TBC1D31: variants seen among roughly 807,000 people sequenced by gnomAD.
TBC1D31 encodes the protein TBC1 domain family member 31, also known as WD repeat domain 67.
A neutral mutation model predicts 132.9 loss-of-function variants in TBC1D31; 99 were observed. That is an observed-to-expected ratio of 0.74 (90% CI 0.63 to 0.88). The LOEUF (loss-of-function observed/expected upper bound fraction) is 0.88, where lower values mean the gene tolerates loss of function less well. Ranked by LOEUF, TBC1D31 falls within the 40% of genes least tolerant of loss-of-function variation. TBC1D31 has a pLI of 0.00. For missense variants in TBC1D31, 1,134 were observed against 1,256.6 expected, an observed-to-expected ratio of 0.90 and a Z score of 1.48; for synonymous variants, 385 against 419.4, an observed-to-expected ratio of 0.92 and a Z score of 1.00.
intron 7 of TBC1D31, among the ~76,000 whole-genome samples, chr8:123,104,956 G>T (rs568057964): frequency 6.6e-6 from 1 of 152,200 alleles, no homozygotes; most frequent in South Asian, 2.1e-4. Context: ...CTTTTTTGCT[G>T]TAGATAATAA....
chr8:123,099,416 A>G (rs1483124832), intron 6 of TBC1D31, among the ~76,000 whole-genome samples: 1 of 152,128 alleles, frequency 6.6e-6, no homozygotes, highest in African/African-American at 2.4e-5. Context: ...CACCATGCCC[A>G]GCCTTTATTA....
chr8:123,093,951 C>A (rs1020553179), intron 5 of TBC1D31, among the ~76,000 whole-genome samples: 1 of 151,922 alleles, frequency 6.6e-6, no homozygotes, highest in African/African-American at 2.4e-5. Flanking sequence ...CTAAGAATTT[C>A]TTCTTTTTTT....
At position 123,077,255 on chromosome 8, in the gene TBC1D31, C is replaced by T. The variant is rs1276846763; in HGVS notation, c.222C>T (p.Asn74=). 6.2e-7 allele frequency: 1 copy of T among 1,605,272 alleles called. No individual in the cohort carries two copies. Among genetic ancestry groups the T allele is most frequent in the East Asian group, 2.2e-5 (1 of 44,700 alleles). The stretch of plus-strand genomic sequence containing the variant: ...TTTATGTTTTTGACTTACATGGAAA[C>T]AGGTAAGCAGATACCATTGATATCT... The part of the protein sequence containing the change: ...GNIYVFDLHG[N]RFNLVQRTAQ... The change falls in exon 2 of 22, where the codon AAC becomes AAT. Residue 74 remains asparagine, a splice_region_variant and synonymous_variant. Coordinates refer to ENST00000287380, the MANE Select transcript of TBC1D31 (RefSeq NM_145647.4).
intron 4 of TBC1D31, 141 bp downstream of exon 4, chr8:123,084,481 A>G (rs4870845): frequency 0.18 from 131,558 of 741,788 alleles, 12,609 homozygotes; most frequent in South Asian, 0.22. Flanking sequence ...CAAAGTGGCC[A>G]ACACAAAGAT....
At chr8:123,090,961 TAATA>T (rs149533102) in intron 4 of TBC1D31, among the ~76,000 whole-genome samples, 36 of 151,806 alleles carry the variant, frequency 2.4e-4, no homozygotes, top group African/African-American at 7.0e-4. Context: ...AATAAATCAA[TAATA>T]AATAAATAAA....
intron 1 of TBC1D31, among the ~76,000 whole-genome samples, chr8:123,075,267 C>G (rs62520595): frequency 0.076 from 11,532 of 152,154 alleles, 625 homozygotes; most frequent in Non-Finnish European, 0.11. Context: ...TAAAAATAAG[C>G]ATTGTTAAGA....
chr8:123,079,572 A>AG (rs1175183002), intron 2 of TBC1D31, among the ~76,000 whole-genome samples: 1 of 147,804 alleles, frequency 6.8e-6, no homozygotes, highest in Non-Finnish European at 1.5e-5. Context: ...TCTGAAAAAA[A>AG]TAAAAATAAT....
At chr8:123,159,310 A>G in the TBC1D31 span, among the ~76,000 whole-genome samples, 1 of 151,750 alleles carries the variant, frequency 6.6e-6, no homozygotes, top group Admixed American at 6.6e-5. Flanking sequence ...AAAGGAAACA[A>G]CCCAAGTGTA....
the TBC1D31 span, among the ~76,000 whole-genome samples, chr8:123,157,741 A>ACC: frequency 4.1e-5 from 6 of 147,982 alleles, no homozygotes; most frequent in South Asian, 6.5e-4. Flanking sequence ...ACACACACAC[A>ACC]CCCGCTGTTA....
At chr8:123,095,656 C>G (rs1816770669) in intron 5 of TBC1D31, among the ~76,000 whole-genome samples, 1 of 152,188 alleles carries the variant, frequency 6.6e-6, no homozygotes, top group African/African-American at 2.4e-5. Flanking sequence ...CCTCTTTTCG[C>G]TGACTTTGGC....
At chr8:123,105,571 A>G in intron 8 of TBC1D31, 107 bp downstream of exon 8, 1 of 1,011,784 alleles carries the variant, frequency 9.9e-7, no homozygotes, top group Non-Finnish European at 1.4e-6. Context: ...AAGAAAGAGA[A>G]TAAAATGAAG....
Position 123,097,130 on chromosome 8 carries a change from C to T in TBC1D31, c.672-152C>T, listed in dbSNP as rs540984742. The T allele has an allele frequency of 1.1e-5, 7 of 646,578 alleles. No individual in the cohort carries two copies. In the Admixed American group the frequency reaches 2.0e-4, roughly 18 times the overall value. 40.1% of individuals were successfully genotyped at this position (646,578 alleles called of 1,614,324 possible). A position where few individuals can be genotyped will look rare whatever the true frequency, so the allele number is the denominator to read the frequency against. ...ATAAGGTCCTTATTAACATTAGCCA[C>T]ATTTCAAGTGCTCAATAATCACATG... On this transcript the variant is annotated intron_variant, in intron 5 of 21. Transcript: ENST00000287380.
At chr8:123,129,279 T>A (rs1820395322) in intron 15 of TBC1D31, 61 bp downstream of exon 15, 3 of 1,192,392 alleles carry the variant, frequency 2.5e-6, no homozygotes, top group Non-Finnish European at 3.4e-6. Context: ...AATTTTTATG[T>A]TCTTTCATTT....
rs71310657 is a variant in TBC1D31, at chr8:123,117,752, C to CAA, written c.1437-2276_1437-2275dup. ...TGGGCGACAGAGCGAAACTCCGTCT[C>CAA]AAAAAAAAAAAAAAAAAAAAAAAAA... On this transcript the variant is annotated intron_variant, in intron 10 of 21. Transcript: ENST00000287380. 3.1e-3 allele frequency among the ~76,000 whole-genome samples: 280 copies of CAA among 89,868 alleles called. 3 individuals are homozygous for CAA. Among genetic ancestry groups the CAA allele is most frequent in the East Asian group, 9.5e-3 (25 of 2,636 alleles). 59.0% of individuals were successfully genotyped at this position (89,868 alleles called of 152,430 possible). A position where few individuals can be genotyped will look rare whatever the true frequency, so the allele number is the denominator to read the frequency against.
chr8:123,116,346 G>A (rs2130640697), intron 10 of TBC1D31, among the ~76,000 whole-genome samples: 1 of 152,234 alleles, frequency 6.6e-6, no homozygotes, highest in Admixed American at 6.5e-5. Flanking sequence ...AGAAATAAAT[G>A]TGGAGTTAGC....
chr8:123,097,801 T>A (rs1288532177), intron 6 of TBC1D31: 1 of 159,788 alleles, frequency 6.3e-6, no homozygotes, highest in Non-Finnish European at 1.4e-5. Context: ...AAACATTGAC[T>A]CGTCAACATT....
rs372160938 is a variant in TBC1D31 at position 123,117,428 on chromosome 8, G to T, written c.1437-2627G>T. 5.9e-5 allele frequency among the ~76,000 whole-genome samples: 9 copies of T among 152,092 alleles called. No homozygotes were observed. In the East Asian group the frequency reaches 1.7e-3, roughly 29 times the overall value. On this transcript the variant is annotated intron_variant, in intron 10 of 21. Transcript: ENST00000287380. ...AGTAATTTTGTAGTAGATAAACTCA[G>T]CAGATAACAGCTTAACCAAGTAAGC...
rs1467464437 is a variant in TBC1D31, at chr8:123,135,954, A to G, written c.2499+1748A>G. On this transcript the variant is annotated intron_variant, in intron 17 of 21. Transcript: ENST00000287380. ...AGATATTTGTCTCTCAGATTTTTAA[A>G]CACTAACATTCTACTAAATTTGCTT... Among the ~76,000 whole-genome samples the G allele has an allele frequency of 3.3e-5, 5 of 152,374 alleles. No individual in the cohort carries two copies. In the South Asian group the frequency reaches 8.3e-4, roughly 25 times the overall value.
At chr8:123,134,442 A>T (rs2130849924) in intron 17 of TBC1D31, among the ~76,000 whole-genome samples, 1 of 152,104 alleles carries the variant, frequency 6.6e-6, no homozygotes, top group East Asian at 1.9e-4. Context: ...CAGGAAGATC[A>T]CTTGAGCCCT....
Sources: gnomAD v4.1 joint callset for allele counts (sites outside exome capture counted in the v4.1 genomes callset) on GRCh38, gnomAD v4.1.1 for gene constraint, MANE v1.5 for transcripts, NCBI Gene and HGNC (gene_info 2026-07-23, HGNC 2026-07-21) for gene names.